The following PDE4D variants were observed in gnomAD, a reference collection of about 807,000 sequenced individuals.
The protein encoded by PDE4D is 3',5'-cyclic-AMP phosphodiesterase 4D.
In PDE4D, 24 loss-of-function variants were observed where a neutral mutation model predicts 87.4. The ratio of observed to expected loss-of-function variants is 0.27; its 90% confidence interval spans 0.20 to 0.39. The LOEUF (loss-of-function observed/expected upper bound fraction) is 0.39, where lower values mean the gene tolerates loss of function less well. PDE4D is among the 10% of genes least tolerant of loss of function. PDE4D has a pLI of 1.00. For synonymous variants in PDE4D, 384 were observed against 383.2 expected, an observed-to-expected ratio of 1.00 and a Z score of -0.02; for missense variants, 714 against 1,041.0, an observed-to-expected ratio of 0.69 and a Z score of 4.32.
intron 1 of PDE4D, among the ~76,000 whole-genome samples, chr5:59,803,090 C>T (rs952909391): frequency 6.6e-6 from 1 of 152,000 alleles, no homozygotes; most frequent in Non-Finnish European, 1.5e-5. Flanking sequence ...AGTTTAAAAA[C>T]GTAAATGCAT....
chr5:60,128,648 T>C (rs1214598490), intron 2 of PDE4D, among the ~76,000 whole-genome samples: 9 of 152,196 alleles, frequency 5.9e-5, no homozygotes, highest in African/African-American at 1.7e-4. Flanking sequence ...TAAACTTCAA[T>C]TGTTTGAGCA....
At chr5:59,180,392 A>G (rs1222514533) in intron 5 of PDE4D, 1 of 708,894 alleles carries the variant, frequency 1.4e-6, no homozygotes, top group Non-Finnish European at 2.6e-6. Context: ...GTACATCAGT[A>G]AAAAACGTAA....
chr5:59,793,807 T>A, intron 1 of PDE4D, among the ~76,000 whole-genome samples: 1 of 152,146 alleles, frequency 6.6e-6, no homozygotes, highest in East Asian at 1.9e-4. Context: ...ATGTAAGAAT[T>A]TTTTCCCCTT....
intron 1 of PDE4D, among the ~76,000 whole-genome samples, chr5:60,270,778 T>A (rs1219023811): frequency 6.6e-6 from 1 of 152,172 alleles, no homozygotes; most frequent in Non-Finnish European, 1.5e-5. Context: ...TGAATTCAGC[T>A]CTGAAACAGT....
chr5:60,269,342 A>G lies in PDE4D; in HGVS notation c.-89-83655T>C, dbSNP rs147106666. ...AAAAAACAACATAAATGTTTCTTGTATTTTGTATTTATATGGTATTAGGCT... is the reference window on the plus strand; with the variant it reads ...AAAAAACAACATAAATGTTTCTTGTGTTTTGTATTTATATGGTATTAGGCT... On this transcript the variant is annotated intron_variant, in intron 1 of 16. Coordinates refer to the PDE4D transcript ENST00000502484. Among the ~76,000 whole-genome samples, 458 of 152,322 alleles carry G rather than the reference A, an allele frequency of 3.0e-3. 4 individuals carry two copies. Among genetic ancestry groups the G allele is most frequent in the African/African-American group, 0.01 (433 of 41,592 alleles).
chr5:59,526,898 T>C (rs1264992583), intron 1 of PDE4D, among the ~76,000 whole-genome samples: 1 of 152,338 alleles, frequency 6.6e-6, no homozygotes, highest in East Asian at 1.9e-4. Flanking sequence ...AGTGCTGGGA[T>C]TACAGGCATG....
intron 1 of PDE4D, among the ~76,000 whole-genome samples, chr5:60,472,939 A>T (rs1194930978): frequency 1.3e-5 from 2 of 152,102 alleles, no homozygotes; most frequent in African/African-American, 2.4e-5. Flanking sequence ...AAGCTATGAC[A>T]TTTGATAGGT....
At chr5:59,873,032 G>A (rs1345395206) in intron 1 of PDE4D, among the ~76,000 whole-genome samples, 1 of 152,126 alleles carries the variant, frequency 6.6e-6, no homozygotes, top group African/African-American at 2.4e-5. Context: ...CATTGTGAAA[G>A]GTACCTTTCT....
At chr5:58,978,907 T>C (rs1744458397) in intron 11 of PDE4D, among the ~76,000 whole-genome samples, 1 of 152,168 alleles carries the variant, frequency 6.6e-6, no homozygotes, top group African/African-American at 2.4e-5. Flanking sequence ...TCTTAGCACA[T>C]ATTATTGTAT....
At chr5:59,987,810 G>A (rs943002641) in intron 3 of PDE4D, 2 of 152,040 alleles carry the variant, frequency 1.3e-5, no homozygotes, top group African/African-American at 4.8e-5. Context: ...TTAAACTGGT[G>A]ACATTGCTTT....
chr5:59,414,323 A>T (rs1793217323), intron 1 of PDE4D, among the ~76,000 whole-genome samples: 4 of 152,242 alleles, frequency 2.6e-5, no homozygotes, highest in African/African-American at 9.6e-5. Context: ...GCCTCCTTCC[A>T]TCAGGCCACC....
At chr5:59,979,821 C>G (rs6876320) in intron 3 of PDE4D, among the ~76,000 whole-genome samples, 94,624 of 151,850 alleles carry the variant, frequency 0.62, 32,124 homozygotes, top group East Asian at 0.83. Context: ...TTCTAAGTAC[C>G]TAGAATTTTT....
At chr5:59,289,944 T>C (rs902302568) in intron 1 of PDE4D, among the ~76,000 whole-genome samples, 1 of 151,764 alleles carries the variant, frequency 6.6e-6, no homozygotes, top group African/African-American at 2.4e-5. Context: ...ACAAATAAAA[T>C]TAAGTACCTA....
chr5:59,539,388 A>C (rs933538311), intron 1 of PDE4D, among the ~76,000 whole-genome samples: 7 of 152,086 alleles, frequency 4.6e-5, no homozygotes, highest in South Asian at 2.1e-4. Context: ...CCTACCCCCC[A>C]AAAAATTCTA....
intron 1 of PDE4D, among the ~76,000 whole-genome samples, chr5:60,501,837 T>G (rs1750093900): frequency 6.6e-6 from 1 of 152,170 alleles, no homozygotes; most frequent in African/African-American, 2.4e-5. Context: ...TCGCCCACTT[T>G]TTGATGGGGT....
chr5:59,744,221 A>G (rs1759277090), intron 1 of PDE4D, among the ~76,000 whole-genome samples: 1 of 151,616 alleles, frequency 6.6e-6, no homozygotes, highest in African/African-American at 2.4e-5. Flanking sequence ...GTTAATTCAT[A>G]ATGGAGGAAT....
At chr5:59,127,447 C>G (rs1323017969) in intron 5 of PDE4D, among the ~76,000 whole-genome samples, 1 of 152,044 alleles carries the variant, frequency 6.6e-6, no homozygotes, top group African/African-American at 2.4e-5. Flanking sequence ...CCCACCTCCC[C>G]CAATTTAGGT....
Position 60,378,847 on chromosome 5 carries a change from C to T in PDE4D, c.-90+109095G>A, listed in dbSNP as rs116746594. On this transcript the variant is annotated intron_variant, in intron 1 of 16. Coordinates refer to the PDE4D transcript ENST00000502484. ...CAGCCTGGGCGACAGAGCGACACTCCGACTCAAAAACTAAAAAGAAAAAGA... is the reference window on the plus strand; with the variant it reads ...CAGCCTGGGCGACAGAGCGACACTCTGACTCAAAAACTAAAAAGAAAAAGA... Among the ~76,000 whole-genome samples, 321 of 150,408 alleles carry T rather than the reference C, an allele frequency of 2.1e-3. 1 individual carries two copies. Among genetic ancestry groups the T allele is most frequent in the African/African-American group, 7.6e-3 (309 of 40,810 alleles).
intron 5 of PDE4D, among the ~76,000 whole-genome samples, chr5:59,136,328 T>C (rs774394577): frequency 3.3e-5 from 5 of 152,212 alleles, no homozygotes; most frequent in Non-Finnish European, 1.5e-5. Context: ...CTTAATATAT[T>C]CTTTTTAGAA....
Sources: allele counts gnomAD v4.1 joint callset (sites outside exome capture counted in the v4.1 genomes callset), GRCh38; gene constraint gnomAD v4.1.1; transcripts MANE v1.5; gene names NCBI Gene and HGNC (gene_info 2026-07-23, HGNC 2026-07-21).